The following USP48 variants were observed in gnomAD, a reference collection of about 807,000 sequenced individuals.
USP48 encodes the protein ubiquitin carboxyl-terminal hydrolase 48.
Under a neutral mutation model 150.7 loss-of-function variants are expected in USP48, and 43 were observed. The ratio of observed to expected loss-of-function variants is 0.29; its 90% confidence interval spans 0.22 to 0.37. The LOEUF is 0.37. USP48 is among the 10% of genes least tolerant of loss of function. The pLI is 1.00. For missense variants in USP48, 813 were observed against 1,249.6 expected (o/e 0.65, Z 5.27); for synonymous variants, 396 against 425.9 (o/e 0.93, Z 0.86).
intron 8 of USP48, among the ~76,000 whole-genome samples, chr1:21,739,693 CATT>C (rs1174992343): frequency 2.0e-5 from 3 of 152,192 alleles, no homozygotes; most frequent in Admixed American, 1.3e-4. Context: ...ATGCACAACG[CATT>C]ATTAACTGCA....
intron 1 of USP48, among the ~76,000 whole-genome samples, chr1:21,780,957 G>T (rs1320896568): frequency 6.6e-6 from 1 of 150,792 alleles, no homozygotes; most frequent in Non-Finnish European, 1.5e-5. Context: ...GGCCAGGCTG[G>T]TCTCGAACTC....
At chr1:21,759,436 A>G (rs547445537) in intron 1 of USP48, among the ~76,000 whole-genome samples, 2 of 152,282 alleles carry the variant, frequency 1.3e-5, no homozygotes, top group East Asian at 3.9e-4. Flanking sequence ...CCATAGAGAC[A>G]TGGGTTAATA....
chr1:21,733,396 G>A (rs2097761706), intron 9 of USP48, among the ~76,000 whole-genome samples: 2 of 151,974 alleles, frequency 1.3e-5, no homozygotes, highest in Non-Finnish European at 2.9e-5. Context: ...CAGCCTGGCC[G>A]ACAGAGGAAG....
intron 1 of USP48, among the ~76,000 whole-genome samples, chr1:21,767,199 G>A (rs541105660): frequency 1.1e-3 from 164 of 152,266 alleles, no homozygotes; most frequent in African/African-American, 3.7e-3. Context: ...ACAGGCATAC[G>A]CCACCACACC....
chr1:21,743,312 CAA>C (rs1383945114), intron 8 of USP48, among the ~76,000 whole-genome samples: 1 of 152,150 alleles, frequency 6.6e-6, no homozygotes, highest in East Asian at 1.9e-4. Flanking sequence ...CTCAGAAACA[CAA>C]GAGTGTCCAA....
chr1:21,747,944 A>G (rs1384621567), intron 7 of USP48, among the ~76,000 whole-genome samples, 194 bp downstream of exon 7: 1 of 152,190 alleles, frequency 6.6e-6, no homozygotes, highest in Non-Finnish European at 1.5e-5. Context: ...TCATTTATAT[A>G]TGGTTGGCTT....
At position 21,753,047 on chromosome 1, in the gene USP48, T is replaced by G. The variant is rs1343752916; in HGVS notation, c.485A>C (p.Tyr162Ser). Residue 162 changes from tyrosine to serine, a missense_variant, in exon 4 of 27, where the codon TAC (tyrosine) becomes TCC (serine). Transcript: ENST00000308271. ...TTTAACAAATCCTGATGGATCAATGTATCGCCTATTACTGTTTTGCAACAA... is the reference window on the plus strand; with the variant it reads ...TTTAACAAATCCTGATGGATCAATGGATCGCCTATTACTGTTTTGCAACAA... The part of the protein sequence containing the change: ...FALLQNSNRR[Y>S]IDPSGFVKAL... 1 of 1,613,108 alleles carries G rather than the reference T, an allele frequency of 6.2e-7. No individual in the cohort carries two copies. Among genetic ancestry groups the G allele is most frequent in the Non-Finnish European group, 8.5e-7 (1 of 1,179,800 alleles).
intron 14 of USP48, among the ~76,000 whole-genome samples, chr1:21,716,688 T>C (rs1437133782): frequency 6.6e-6 from 1 of 152,218 alleles, no homozygotes; most frequent in African/African-American, 2.4e-5. Flanking sequence ...TAGTTGTATA[T>C]ACTGGGAACA....
chr1:21,767,635 G>A (rs1418755506), intron 1 of USP48, among the ~76,000 whole-genome samples: 1 of 151,042 alleles, frequency 6.6e-6, no homozygotes, highest in African/African-American at 2.4e-5. Context: ...GGACTTTTTA[G>A]AGAGCTTTTT....
intron 25 of USP48, chr1:21,686,639 T>C (rs1219815898): frequency 6.6e-6 from 1 of 152,424 alleles, no homozygotes; most frequent in Non-Finnish European, 1.5e-5. Flanking sequence ...CTGCCCGAAT[T>C]TGAGCAAAGG....
rs1351590366 is a variant in USP48 at position 21,736,429 on chromosome 1, C to A, written c.1171+17G>T. On this transcript the variant is annotated intron_variant, in intron 9 of 26. Coordinates refer to ENST00000308271, the MANE Select transcript of USP48 (RefSeq NM_032236.8). Reference sequence around the variant, plus strand: ...AATTTATATTTTAAAAGGGCACTCACAACTTAAAGGTTTTACCTAGATCTT... The same window carrying A: ...AATTTATATTTTAAAAGGGCACTCAAAACTTAAAGGTTTTACCTAGATCTT... The A allele has an allele frequency of 6.3e-7, 1 of 1,578,212 alleles. No homozygotes were observed. Among genetic ancestry groups the A allele is most frequent in the African/African-American group, 1.4e-5 (1 of 72,512 alleles).
At chr1:21,685,159 C>A (rs2097577281) in intron 25 of USP48, among the ~76,000 whole-genome samples, 1 of 152,162 alleles carries the variant, frequency 6.6e-6, no homozygotes, top group South Asian at 2.1e-4. Context: ...ATTAATTCTT[C>A]TGATCCATGA....
intron 19 of USP48, 90 bp downstream of exon 19, chr1:21,705,637 A>G: frequency 3.1e-6 from 3 of 955,492 alleles, no homozygotes; most frequent in South Asian, 3.8e-5. Context: ...AAAACAGACT[A>G]TGTCAGATGA....
intron 15 of USP48, among the ~76,000 whole-genome samples, chr1:21,707,510 A>C (rs1400663974): frequency 6.6e-6 from 1 of 152,190 alleles, no homozygotes; most frequent in Non-Finnish European, 1.5e-5. Context: ...GATCCCCTTC[A>C]ATCTTCAAAA....
At position 21,703,495 on chromosome 1, in the gene USP48, A is replaced by G. The variant is rs373092196; in HGVS notation, c.2622+17T>C. 4.3e-4 allele frequency: 684 copies of G among 1,595,114 alleles called. No homozygotes were observed. Among genetic ancestry groups the G allele is most frequent in the Non-Finnish European group, 5.4e-4 (634 of 1,165,566 alleles). On this transcript the variant is annotated intron_variant, in intron 21 of 26. Transcript: ENST00000308271. ...CGCTTGATCATTACTAGTCATTGCC[A>G]CAAGAGGGACCAGTACCTTTTTATT...
chr1:21,695,884 A>G (rs1401667533), intron 22 of USP48, among the ~76,000 whole-genome samples: 1 of 152,220 alleles, frequency 6.6e-6, no homozygotes, highest in Non-Finnish European at 1.5e-5. Context: ...CATTAATAAA[A>G]AAAAATCAAA....
At chr1:21,690,185 T>TAA (rs11422483) in intron 23 of USP48, 86 bp from the exon 24 acceptor site, 47,992 of 1,048,224 alleles carry the variant, frequency 0.046, 571 homozygotes, top group African/African-American at 0.15. Context: ...CATGGATTCT[T>TAA]AAAAAAAAAA....
chr1:21,773,542 A>G (rs1195124925), intron 1 of USP48, among the ~76,000 whole-genome samples: 1 of 152,190 alleles, frequency 6.6e-6, no homozygotes, highest in Non-Finnish European at 1.5e-5. Flanking sequence ...GTCACCAGCA[A>G]AAAATGGCAA....
intron 7 of USP48, among the ~76,000 whole-genome samples, chr1:21,747,549 T>C (rs772739756): frequency 6.6e-6 from 1 of 152,016 alleles, no homozygotes; most frequent in African/African-American, 2.4e-5. Context: ...AAGGTCAGGG[T>C]AATTCAATTA....
Sources: allele counts gnomAD v4.1 joint callset (sites outside exome capture counted in the v4.1 genomes callset), GRCh38; gene constraint gnomAD v4.1.1; transcripts MANE v1.5; gene names NCBI Gene and HGNC (gene_info 2026-07-23, HGNC 2026-07-21).